The following A2M variants were observed in gnomAD, a reference collection of about 807,000 sequenced individuals.
A2M encodes alpha-2-macroglobulin, also known as C3 and PZP-like alpha-2-macroglobulin domain-containing protein 5.
In A2M, 128 loss-of-function variants were observed where a neutral mutation model predicts 183.9. The ratio of observed to expected loss-of-function variants is 0.70; its 90% CI spans 0.60 to 0.81. The LOEUF (loss-of-function observed/expected upper bound fraction) is 0.81. A2M is among the 30% of genes least tolerant of loss of function. The pLI is 0.00. For missense variants in A2M, 1,495 were observed against 1,787.6 expected, an observed-to-expected ratio of 0.84 and a Z score of 2.95; for synonymous variants, 592 against 670.8, an observed-to-expected ratio of 0.88 and a Z score of 1.81.
At chr12:9,070,150 T>TA (rs1196144082) in intron 32 of A2M, among the ~76,000 whole-genome samples, 1 of 152,238 alleles carries the variant, frequency 6.6e-6, no homozygotes, top group African/African-American at 2.4e-5. Context: ...TCTTTTAACT[T>TA]CTGTAATACT....
rs752139421 is a variant in A2M at position 9,109,914 on chromosome 12, T to C, written c.626A>G (p.Lys209Arg). 6.2e-7 allele frequency: 1 copy of C among 1,613,738 alleles called. No individual in the cohort carries two copies. Among genetic ancestry groups the C allele is most frequent in the East Asian group, 2.2e-5 (1 of 44,860 alleles). ...GTGCTCTGTCCTTCCACCTGATTTC[T>C]TCTGTACCACCACCTTGTAGGAGCC... is the stretch of plus-strand genomic sequence containing the variant. ...FQGSYKVVVQKKSGGRTEHPF... is the reference protein window; with the variant it reads ...FQGSYKVVVQRKSGGRTEHPF... The change falls in exon 6 of 36, where the codon AAG becomes AGG. Residue 209 changes from lysine (K) to arginine (R), a missense_variant. Coordinates refer to ENST00000318602, the MANE Select transcript of A2M (RefSeq NM_000014.6).
intron 13 of A2M, among the ~76,000 whole-genome samples, chr12:9,100,156 A>G (rs1199367446): frequency 6.6e-6 from 1 of 152,212 alleles, no homozygotes; most frequent in Non-Finnish European, 1.5e-5. Flanking sequence ...AGTCCGCTTC[A>G]GTCGGTAGAA....
chr12:9,076,648 AAAG>A, intron 28 of A2M, 105 bp downstream of exon 28: 2 of 981,392 alleles, frequency 2.0e-6, no homozygotes, highest in East Asian at 2.6e-5. Flanking sequence ...GATATATAGA[AAAG>A]AAGAGAGGAG....
chr12:9,102,559 A>G lies in A2M; in HGVS notation c.1267-885T>C, dbSNP rs777269485. On this transcript the variant is annotated intron_variant, in intron 11 of 35. Coordinates refer to ENST00000318602, the MANE Select transcript of A2M (RefSeq NM_000014.6). ...TGCTCCCTGCAATCTGGATTCTAAT[A>G]CCTCAGAGGCCCTATTTGGGTTATA... Among the ~76,000 whole-genome samples, 5 of 152,120 alleles carry G rather than the reference A, an allele frequency of 3.3e-5. No homozygotes were observed. In the South Asian group the frequency reaches 6.2e-4, roughly 19 times the overall value.
intron 31 of A2M, among the ~76,000 whole-genome samples, chr12:9,071,463 A>G (rs1191638945): frequency 1.3e-5 from 2 of 152,108 alleles, no homozygotes; most frequent in African/African-American, 4.8e-5. Flanking sequence ...TTTTAGGTTC[A>G]GGCGTACACA....
chr12:9,114,872 A>T lies in A2M; in HGVS notation c.86+892T>A, dbSNP rs116485122. Reference sequence around the variant, plus strand: ...GTTCAAAAATACTTGTATATAACTGATCAAAACAAAATAAATACAAAGTAT... The same window carrying T: ...GTTCAAAAATACTTGTATATAACTGTTCAAAACAAAATAAATACAAAGTAT... On this transcript the variant is annotated intron_variant, in intron 1 of 35. Transcript: ENST00000318602. 4.3e-3 allele frequency among the ~76,000 whole-genome samples: 661 copies of T among 152,322 alleles called. 8 individuals carry two copies. The highest frequency in any genetic ancestry group is 0.015 in the African/African-American group (628 of 41,586).
intron 28 of A2M, among the ~76,000 whole-genome samples, 166 bp downstream of exon 28, chr12:9,076,590 T>C (rs1209706157): frequency 2.6e-5 from 4 of 152,196 alleles, no homozygotes; most frequent in Non-Finnish European, 5.9e-5. Flanking sequence ...TCTGATTTGA[T>C]TAAGAAATCC....
intron 22 of A2M, 93 bp from the exon 23 acceptor site, chr12:9,080,270 A>T (rs1283282951): frequency 5.5e-6 from 4 of 724,218 alleles, no homozygotes; most frequent in Non-Finnish European, 9.0e-6. Flanking sequence ...ACTATGCCTT[A>T]TACCTAAACT....
intron 7 of A2M, 55 bp from the exon 8 acceptor site, chr12:9,107,699 T>G: frequency 6.3e-7 from 1 of 1,598,096 alleles, no homozygotes; most frequent in Non-Finnish European, 8.6e-7. Context: ...CTCCCCATTT[T>G]CTAGCTATTT....
At chr12:9,108,692 C>A (rs1185078164) in intron 7 of A2M, among the ~76,000 whole-genome samples, 1 of 152,114 alleles carries the variant, frequency 6.6e-6, no homozygotes, top group East Asian at 1.9e-4. Context: ...CTGTGTGCCA[C>A]CATGGATGGG....
rs1938397726 is a variant in A2M, at chr12:9,107,641, G to T, written c.762C>A (p.Tyr254Ter). The T allele has an allele frequency of 1.2e-6, 2 of 1,613,752 alleles. No homozygotes were observed. The highest frequency in any genetic ancestry group is 8.5e-7 in the Non-Finnish European group (1 of 1,179,806). ...GTCCAGGGACAGGCTTCCCATATGT[G>T]TATCTGTCATGAGAACATTCCCAAA... ...EEMNVSVCGL[Y>*]TYGKPVPGHV... The change falls in exon 8 of 36, where the codon TAC becomes TAA. Residue 254 changes from tyrosine to a stop codon, truncating the protein, a stop_gained. Coordinates refer to ENST00000318602, the MANE Select transcript of A2M (RefSeq NM_000014.6). LOFTEE classifies it high-confidence loss of function.
intron 26 of A2M, 25 bp downstream of exon 26, chr12:9,077,676 C>G (rs769090446): frequency 1.2e-6 from 2 of 1,610,616 alleles, no homozygotes; most frequent in Admixed American, 3.3e-5. Context: ...ATGGACAAAT[C>G]AAAACTAGCT....
intron 26 of A2M, 22 bp from the exon 27 acceptor site, chr12:9,077,442 C>A (rs2377682): frequency 6.3e-7 from 1 of 1,599,054 alleles, no homozygotes. Context: ...AGAGAGAGAT[C>A]TGAATAATTC....
Position 9,076,892 on chromosome 12 carries a change from C to G in A2M, c.3396G>C (p.Trp1132Cys). 6.2e-7 allele frequency: 1 copy of G among 1,610,664 alleles called. No individual in the cohort carries two copies. The highest frequency in any genetic ancestry group is 8.5e-7 in the Non-Finnish European group (1 of 1,178,142). Reference sequence around the variant, plus strand: ...CATGGTCCCCTTCTTGTGCTGTCTTCCAGGCTGACTCCAGGCAAAACAGGG... The same window carrying G: ...CATGGTCCCCTTCTTGTGCTGTCTTGCAGGCTGACTCCAGGCAAAACAGGG... ...RNALFCLESA[W>C]KTAQEGDHGS... The change falls in exon 28 of 36, where the codon TGG becomes TGC. Residue 1132 changes from tryptophan (W) to cysteine (C), a missense_variant. By Grantham distance (215) the Trp-to-Cys change is radical. Coordinates refer to ENST00000318602, the MANE Select transcript of A2M (RefSeq NM_000014.6).
chr12:9,106,238 G>C lies in A2M; in HGVS notation c.1102C>G (p.Gln368Glu), dbSNP rs200272487. Residue 368 changes from glutamine (Q) to glutamate (E), a missense_variant and splice_region_variant, in exon 10 of 36, where the codon CAG becomes GAG. Physicochemically the swap from Gln to Glu is conservative, Grantham distance 29. Coordinates refer to ENST00000318602, the MANE Select transcript of A2M (RefSeq NM_000014.6). ...GAGTGAACTGGAAAATACTCCACCTGCCCAAAGAAGGGAATTCCCTGTCGA... is the reference window on the plus strand; with the variant it reads ...GAGTGAACTGGAAAATACTCCACCTCCCCAAAGAAGGGAATTCCCTGTCGA... ...HFRQGIPFFGQVRLVDGKGVP... is the reference protein window; with the variant it reads ...HFRQGIPFFGEVRLVDGKGVP... 9.4e-5 allele frequency: 150 copies of C among 1,596,508 alleles called. No individual in the cohort carries two copies. In the African/African-American group the frequency reaches 1.9e-3, roughly 21 times the overall value.
chr12:9,096,049 G>A (rs1049140828), intron 15 of A2M, among the ~76,000 whole-genome samples: 9 of 152,150 alleles, frequency 5.9e-5, no homozygotes, highest in Non-Finnish European at 8.8e-5. Context: ...GTGAGCCACC[G>A]CGCCCGGCCT....
intron 29 of A2M, among the ~76,000 whole-genome samples, chr12:9,074,014 G>A (rs1397369266): frequency 1.3e-5 from 2 of 151,396 alleles, no homozygotes; most frequent in African/African-American, 2.4e-5. Context: ...CTTGAACCTG[G>A]GAGATGGAGG....
At chr12:9,089,382 C>T (rs1339624163) in intron 21 of A2M, 131 bp from the exon 22 acceptor site, 2 of 706,048 alleles carry the variant, frequency 2.8e-6, no homozygotes, top group Non-Finnish European at 4.9e-6. Context: ...AAATTCTGTA[C>T]ATATAAGCAA....
chr12:9,093,590 T>A lies in A2M; in HGVS notation c.2126-11A>T. ...CCATTACATCTGACTCTATGGTGAG[T>A]GAGGAAGAAGACATTACAATAAACA... On this transcript the variant is annotated splice_polypyrimidine_tract_variant and intron_variant, in intron 17 of 35. Coordinates refer to ENST00000318602, the MANE Select transcript of A2M (RefSeq NM_000014.6). 1 of 1,479,950 alleles carries A rather than the reference T, an allele frequency of 6.8e-7. No individual in the cohort carries two copies. The highest frequency in any genetic ancestry group is 9.2e-7 in the Non-Finnish European group (1 of 1,084,766). 91.7% of individuals were successfully genotyped at this position (1,479,950 alleles called of 1,614,324 possible).
Sources: allele counts gnomAD v4.1 joint callset (sites outside exome capture counted in the v4.1 genomes callset), GRCh38; gene constraint gnomAD v4.1.1; transcripts MANE v1.5; gene names NCBI Gene and HGNC (gene_info 2026-07-23, HGNC 2026-07-21).